SMIM41: variants seen among roughly 807,000 people sequenced by gnomAD.
SMIM41 encodes small integral membrane protein 41.
chr12:52,101,818 T>G (rs1399620004), intron 2 of SMIM41, among the ~76,000 whole-genome samples: 2 of 152,128 alleles, frequency 1.3e-5, no homozygotes, highest in African/African-American at 4.8e-5. Context: ...GTTCAAGTGA[T>G]TCTCCTGCCT....
chr12:52,094,024 G>C (rs192901123), intron 2 of SMIM41, among the ~76,000 whole-genome samples: 1 of 151,318 alleles, frequency 6.6e-6, no homozygotes, highest in Non-Finnish European at 1.5e-5. Flanking sequence ...CCAGCTACTC[G>C]GGAGGCTGAG....
chr12:52,098,733 AC>A lies in SMIM41; in HGVS notation c.*196-8645del, dbSNP rs1469988661. On this transcript the variant is annotated intron_variant, in intron 2 of 2. Coordinates refer to ENST00000546390, the MANE Select transcript of SMIM41 (RefSeq NM_001369216.1). ...CCCCTTGTATATTAGGAACAATATCACGGGGGGGGGGGTGTACTGCCTCTGC... is the reference window on the plus strand; with the variant it reads ...CCCCTTGTATATTAGGAACAATATCAGGGGGGGGGGGTGTACTGCCTCTGC... 6.5e-4 allele frequency among the ~76,000 whole-genome samples: 48 copies of A among 74,252 alleles called. 1 individual carries two copies. The South Asian group carries it at 0.018, about 28-fold the overall frequency. 48.7% of individuals were successfully genotyped at this position (74,252 alleles called of 152,430 possible). A position where few individuals can be genotyped will look rare whatever the true frequency, so the allele number is the denominator to read the frequency against.
At chr12:52,092,510 T>C (rs983858797) in intron 2 of SMIM41, 7 of 152,222 alleles carry the variant, frequency 4.6e-5, no homozygotes, top group Non-Finnish European at 8.8e-5. Context: ...GGCTTCTTTA[T>C]TGTAGTTCTT....
chr12:52,081,257 G>GCC lies in SMIM41; in HGVS notation c.*120+1082_*120+1083dup, dbSNP rs528903653. On this transcript the variant is annotated intron_variant, in intron 1 of 2. Transcript: ENST00000546390. This position sits in a 1 kb window ranked among gnomAD's most constrained non-coding sequence, Gnocchi z 4.1. Reference sequence around the variant, plus strand: ...GTCAGGGGTGACTTTGGCCTCTCTTGCCCCCCCTCCCCCGATTCTGGAGCC... The same window carrying GCC: ...GTCAGGGGTGACTTTGGCCTCTCTTGCCCCCCCCCTCCCCCGATTCTGGAGCC... Among the ~76,000 whole-genome samples, 1 of 152,024 alleles carries GCC rather than the reference G, an allele frequency of 6.6e-6. No individual in the cohort carries two copies. The highest frequency in any genetic ancestry group is 1.5e-5 in the Non-Finnish European group (1 of 67,960).
At chr12:52,091,720 T>G (rs932349804) in intron 2 of SMIM41, among the ~76,000 whole-genome samples, 5 of 152,350 alleles carry the variant, frequency 3.3e-5, no homozygotes, top group East Asian at 1.9e-4. Flanking sequence ...GAACTGTAGA[T>G]GTATGATAGC....
chr12:52,104,780 A>C (rs1940298536), intron 2 of SMIM41, among the ~76,000 whole-genome samples: 1 of 152,138 alleles, frequency 6.6e-6, no homozygotes, highest in African/African-American at 2.4e-5. Flanking sequence ...GAGTCCCTCT[A>C]AACTATTCTC....
In SMIM41 at chr12:52,107,395, G is replaced by C. The variant is rs1940362217; in HGVS notation, c.*212G>C. 3.0e-5 allele frequency: 17 copies of C among 557,844 alleles called. No individual in the cohort carries two copies. The highest frequency in any genetic ancestry group is 2.4e-4 in the South Asian group (17 of 71,956). 34.6% of individuals were successfully genotyped at this position (557,844 alleles called of 1,614,324 possible). On this transcript the variant is annotated 3_prime_UTR_variant, in exon 3 of 3. Coordinates refer to ENST00000546390, the MANE Select transcript of SMIM41 (RefSeq NM_001369216.1). ...TCCTCCTAGAACCTCAGAGGATCCAGAACGGCAGCTGGTCCTTGCTGGACT... is the reference window on the plus strand; with the variant it reads ...TCCTCCTAGAACCTCAGAGGATCCACAACGGCAGCTGGTCCTTGCTGGACT...
At chr12:52,089,632 C>T (rs201683601) in intron 2 of SMIM41, among the ~76,000 whole-genome samples, 3 of 121,614 alleles carry the variant, frequency 2.5e-5, no homozygotes, top group Non-Finnish European at 5.6e-5. Context: ...CAAAACAAAA[C>T]AAAAACCTGC....
At chr12:52,106,199 T>C (rs112598380) in intron 2 of SMIM41, among the ~76,000 whole-genome samples, 17,171 of 152,100 alleles carry the variant, frequency 0.11, 1,307 homozygotes, top group African/African-American at 0.23. Flanking sequence ...TGAGTCTCTT[T>C]TGTTTCTGAC....
chr12:52,087,860 C>T (rs567308510), intron 2 of SMIM41, among the ~76,000 whole-genome samples: 5 of 152,320 alleles, frequency 3.3e-5, no homozygotes, highest in Admixed American at 6.5e-5. Context: ...TCTCCAGTCT[C>T]TCCTTGAGAG....
chr12:52,087,263 T>A (rs943887377), intron 2 of SMIM41, among the ~76,000 whole-genome samples: 2 of 152,232 alleles, frequency 1.3e-5, no homozygotes, highest in African/African-American at 4.8e-5. Context: ...GCTCCTCTGC[T>A]GGCTGTCACG....
At chr12:52,092,166 G>T (rs1258354863) in intron 2 of SMIM41, 4 of 152,214 alleles carry the variant, frequency 2.6e-5, no homozygotes, top group African/African-American at 7.2e-5. Flanking sequence ...GCTGGTGAAT[G>T]GAACCCTTTG....
rs1374329175 is a variant in SMIM41, at chr12:52,107,822, T to C, written c.*639T>C. The C allele has an allele frequency of 2.7e-6, 1 of 363,726 alleles. No homozygotes were observed. Among genetic ancestry groups the C allele is most frequent in the Non-Finnish European group, 5.3e-6 (1 of 187,098 alleles). 22.5% of individuals were successfully genotyped at this position (363,726 alleles called of 1,614,324 possible). A position where few individuals can be genotyped will look rare whatever the true frequency, so the allele number is the denominator to read the frequency against. On this transcript the variant is annotated 3_prime_UTR_variant, in exon 3 of 3. Coordinates refer to ENST00000546390, the MANE Select transcript of SMIM41 (RefSeq NM_001369216.1). ...TTAGACTCCCAGCTGTACAACTTGATTGCCTTACTAATGACCTGCTTCAAG... is the reference window on the plus strand; with the variant it reads ...TTAGACTCCCAGCTGTACAACTTGACTGCCTTACTAATGACCTGCTTCAAG...
intron 1 of SMIM41, among the ~76,000 whole-genome samples, chr12:52,083,605 GT>G (rs765377849): frequency 2.0e-4 from 30 of 152,192 alleles, no homozygotes; most frequent in Non-Finnish European, 3.5e-4. Context: ...TGTGGCCAGT[GT>G]GGGCAAGAGC....
At chr12:52,103,754 G>A (rs12306859) in intron 2 of SMIM41, among the ~76,000 whole-genome samples, 34,848 of 149,886 alleles carry the variant, frequency 0.23, 6,295 homozygotes, top group African/African-American at 0.52. Context: ...ACTGTCTCCA[G>A]TAAATAAATA....
intron 2 of SMIM41, among the ~76,000 whole-genome samples, chr12:52,095,988 T>G (rs1940086378): frequency 6.6e-6 from 1 of 152,054 alleles, no homozygotes; most frequent in Non-Finnish European, 1.5e-5. Context: ...ACAGAATGGA[T>G]GTACACCCCC....
At position 52,081,791 on chromosome 12, in the gene SMIM41, G is replaced by A. The variant is rs563691562; in HGVS notation, c.*120+1610G>A. On this transcript the variant is annotated intron_variant, in intron 1 of 2. Coordinates refer to ENST00000546390, the MANE Select transcript of SMIM41 (RefSeq NM_001369216.1). The surrounding 1 kb of genome is among the most constrained non-coding windows in gnomAD (Gnocchi z 4.1). ...CACTGGGAACCCCTTTCTTTTACACGCGGGAGAACAGTAAGTGACATGCTC... is the reference window on the plus strand; with the variant it reads ...CACTGGGAACCCCTTTCTTTTACACACGGGAGAACAGTAAGTGACATGCTC... Among the ~76,000 whole-genome samples the A allele has an allele frequency of 8.5e-5, 13 of 152,190 alleles. No homozygotes were observed. Among genetic ancestry groups the A allele is most frequent in the East Asian group, 3.9e-4 (2 of 5,178 alleles).
At chr12:52,085,839 G>A (rs547677702) in intron 2 of SMIM41, among the ~76,000 whole-genome samples, 1 of 152,208 alleles carries the variant, frequency 6.6e-6, no homozygotes, top group African/African-American at 2.4e-5. Context: ...GTGAACAGAT[G>A]CTGGGTGGCC....
At chr12:52,102,831 A>T (rs1431995476) in intron 2 of SMIM41, among the ~76,000 whole-genome samples, 1 of 152,240 alleles carries the variant, frequency 6.6e-6, no homozygotes. Context: ...GAATCATCAG[A>T]TGTTCCCGCA....
Sources: gnomAD v4.1 joint callset for allele counts (sites outside exome capture counted in the v4.1 genomes callset) on GRCh38, gnomAD v4.1.1 for gene constraint, Gnocchi (gnomAD v3.1) non-coding constraint, MANE v1.5 for transcripts, NCBI Gene and HGNC (gene_info 2026-07-23, HGNC 2026-07-21) for gene names.